UBN1: variants seen among roughly 807,000 people sequenced by gnomAD.
UBN1 encodes ubinuclein 1, also known as ubinuclein-1.
UBN1 carries 17 observed loss-of-function variants against 108.5 expected under a neutral mutation model. That is an observed-to-expected ratio of 0.16 (90% CI 0.11 to 0.24). The LOEUF is 0.24. Among genes scored for constraint, UBN1 ranks in the 10% least tolerant of loss-of-function variants. The probability of loss-of-function intolerance (pLI) is 1.00; values close to 1 mark genes in which losing one functional copy is unlikely to be tolerated. For missense variants in UBN1, 1,595 were observed against 1,394.4 expected (o/e 1.14, Z -2.29); for synonymous variants, 726 against 564.2 (o/e 1.29, Z -4.07).
chr16:4,869,978 G>T (rs2087539401), intron 8 of UBN1, among the ~76,000 whole-genome samples: 2 of 152,172 alleles, frequency 1.3e-5, no homozygotes, highest in Non-Finnish European at 2.9e-5. Flanking sequence ...TCCTGGTATT[G>T]TGACCTAAGA....
In UBN1 at chr16:4,875,353, C is replaced by T; in HGVS notation, c.2943C>T (p.Thr981=). ...CAAACGGAGATTCCAGTGGTGGGAC[C>T]CAGGGAGTGGCAAAGTTGCTGACCT... is the stretch of plus-strand genomic sequence containing the variant. The part of the protein sequence containing the change: ...GGPNGDSSGG[T]QGVAKLLTSP... The change falls in exon 15 of 18, where the codon ACC becomes ACT. Residue 981 remains threonine, a synonymous_variant. Transcript: ENST00000262376. The T allele has an allele frequency of 6.2e-7, 1 of 1,614,192 alleles. No individual in the cohort carries two copies. The highest frequency in any genetic ancestry group is 8.5e-7 in the Non-Finnish European group (1 of 1,180,044).
intron 15 of UBN1, 112 bp downstream of exon 15, chr16:4,875,546 G>T: frequency 1.4e-6 from 2 of 1,438,706 alleles, no homozygotes; most frequent in Non-Finnish European, 1.9e-6. Flanking sequence ...GGTCAGGTAG[G>T]AACAGTGGGC....
intron 7 of UBN1, among the ~76,000 whole-genome samples, chr16:4,862,962 G>C (rs1330850446): frequency 6.6e-6 from 1 of 152,236 alleles, no homozygotes; most frequent in African/African-American, 2.4e-5. Context: ...AGGAGAGGCT[G>C]ATGTTCTGGT....
At chr16:4,860,399 C>T (rs1023420160) in intron 6 of UBN1, among the ~76,000 whole-genome samples, 2 of 152,184 alleles carry the variant, frequency 1.3e-5, no homozygotes, top group Non-Finnish European at 2.9e-5. Context: ...TTTTTGCAAC[C>T]TTTTATTTCA....
At chr16:4,866,450 A>C (rs2087336733) in intron 7 of UBN1, among the ~76,000 whole-genome samples, 1 of 152,222 alleles carries the variant, frequency 6.6e-6, no homozygotes, top group African/African-American at 2.4e-5. Context: ...AACATTTAGT[A>C]AATATTATGT....
chr16:4,865,620 C>T lies in UBN1; in HGVS notation c.1111-3213C>T, dbSNP rs903951383. 4.6e-5 allele frequency among the ~76,000 whole-genome samples: 7 copies of T among 151,890 alleles called. No individual in the cohort carries two copies. The South Asian group carries it at 1.0e-3, about 23-fold the overall frequency. On this transcript the variant is annotated intron_variant, in intron 7 of 17. Transcript: ENST00000262376. Reference sequence around the variant, plus strand: ...TGGGAGGTCAAGGCTGTATGAGCTGCGATCACGTCACTGCACTCCAGAATG... The same window carrying T: ...TGGGAGGTCAAGGCTGTATGAGCTGTGATCACGTCACTGCACTCCAGAATG...
At chr16:4,856,752 T>A (rs1438597577) in intron 2 of UBN1, among the ~76,000 whole-genome samples, 2 of 152,228 alleles carry the variant, frequency 1.3e-5, no homozygotes, top group African/African-American at 2.4e-5. Flanking sequence ...TTTCTTACAG[T>A]TACATAACCA....
intron 7 of UBN1, among the ~76,000 whole-genome samples, chr16:4,863,100 T>A (rs1055929006): frequency 2.0e-5 from 3 of 152,224 alleles, no homozygotes; most frequent in Admixed American, 6.5e-5. Context: ...CCGGCCAATA[T>A]AAAAACAATT....
intron 6 of UBN1, 28 bp from the exon 7 acceptor site, chr16:4,860,636 G>T: frequency 6.3e-7 from 1 of 1,590,808 alleles, no homozygotes. Context: ...CCTATAGTCT[G>T]AGTGACCAGT....
rs2087786758 is a variant in UBN1 at position 4,874,455 on chromosome 16, C to T, written c.2045C>T (p.Ala682Val). 1 of 1,614,224 alleles carries T rather than the reference C, an allele frequency of 6.2e-7. No homozygotes were observed. The highest frequency in any genetic ancestry group is 8.5e-7 in the Non-Finnish European group (1 of 1,180,046). ...SVEAVSKELA[A>V]LNSRAAGNSE... is the part of the protein sequence containing the mutation. ...GAAGCCGTGTCCAAGGAATTGGCTGCATTGAATAGCAGAGCAGCTGGGAAC... is the reference window on the plus strand; with the variant it reads ...GAAGCCGTGTCCAAGGAATTGGCTGTATTGAATAGCAGAGCAGCTGGGAAC... Residue 682 changes from alanine (A) to valine (V), a missense_variant, in exon 15 of 18, where the codon GCA becomes GTA. Transcript: ENST00000262376.
At chr16:4,860,078 G>T in intron 6 of UBN1, 110 bp downstream of exon 6, 2 of 1,422,558 alleles carry the variant, frequency 1.4e-6, no homozygotes, top group Non-Finnish European at 1.9e-6. Flanking sequence ...GCAGGGCCTG[G>T]CCTTCCTGTC....
chr16:4,859,362 G>C (rs1452092560), intron 5 of UBN1, among the ~76,000 whole-genome samples: 1 of 152,194 alleles, frequency 6.6e-6, no homozygotes, highest in African/African-American at 2.4e-5. Flanking sequence ...TCAGCACTTG[G>C]TCATTATGTC....
chr16:4,868,194 C>G (rs1163954155), intron 7 of UBN1, among the ~76,000 whole-genome samples: 1 of 152,218 alleles, frequency 6.6e-6, no homozygotes, highest in Non-Finnish European at 1.5e-5. Context: ...TCAGGGGTCT[C>G]TGAGCTTGCC....
chr16:4,871,170 G>C lies in UBN1; in HGVS notation c.1575G>C (p.Gln525His), dbSNP rs533840606. 2.5e-6 allele frequency: 4 copies of C among 1,614,244 alleles called. No individual in the cohort carries two copies. The highest frequency in any genetic ancestry group is 4.5e-5 in the East Asian group (2 of 44,890). ...TCCTTCTCAGGGAGCTACTGTGCCAGGTGGTGAAGATCAAACTGGAGAGCC... is the reference window on the plus strand; with the variant it reads ...TCCTTCTCAGGGAGCTACTGTGCCACGTGGTGAAGATCAAACTGGAGAGCC... Reference protein sequence around the residue: ...WNDEIRELLCQVVKIKLESQD... With the variant: ...WNDEIRELLCHVVKIKLESQD... The change falls in exon 12 of 18, where the codon CAG (glutamine) becomes CAC (histidine). Residue 525 changes from glutamine (Q) to histidine (H), a missense_variant. This residue lies in a region of UBN1 where 1,398 missense variants were observed against 1,194.7 expected (regional missense o/e 1.17). Coordinates refer to ENST00000262376, the MANE Select transcript of UBN1 (RefSeq NM_001079514.3).
intron 17 of UBN1, among the ~76,000 whole-genome samples, chr16:4,879,639 G>C (rs775077812): frequency 1.3e-5 from 2 of 152,218 alleles, no homozygotes; most frequent in East Asian, 1.9e-4. Context: ...TTGTGTCTGC[G>C]TTGCTTTCCT....
At chr16:4,864,743 A>G (rs1052269140) in intron 7 of UBN1, among the ~76,000 whole-genome samples, 2 of 152,180 alleles carry the variant, frequency 1.3e-5, no homozygotes, top group African/African-American at 4.8e-5. Context: ...ACATAGAGAC[A>G]ATACTAAGAG....
chr16:4,869,154 AT>A (rs2087482501), intron 8 of UBN1, among the ~76,000 whole-genome samples: 1 of 152,208 alleles, frequency 6.6e-6, no homozygotes, highest in African/African-American at 2.4e-5. Flanking sequence ...CATTAATAAC[AT>A]GTGATAATCA....
chr16:4,865,952 A>AC (rs1460882837), intron 7 of UBN1, among the ~76,000 whole-genome samples: 2 of 152,082 alleles, frequency 1.3e-5, no homozygotes, highest in Non-Finnish European at 2.9e-5. Flanking sequence ...ACAGAACAAG[A>AC]CTCCGTCTCA....
At chr16:4,869,685 G>A (rs1389980431) in intron 8 of UBN1, among the ~76,000 whole-genome samples, 1 of 152,236 alleles carries the variant, frequency 6.6e-6, no homozygotes, top group African/African-American at 2.4e-5. Flanking sequence ...GCGGACGATA[G>A]GATTGTGTCA....
Sources: allele counts gnomAD v4.1 joint callset (sites outside exome capture counted in the v4.1 genomes callset), GRCh38; gene constraint gnomAD v4.1.1; regional missense constraint gnomAD v4.1.1; transcripts MANE v1.5; gene names NCBI Gene and HGNC (gene_info 2026-07-23, HGNC 2026-07-21).